LRRC7: variants seen among roughly 807,000 people sequenced by gnomAD.
The protein encoded by LRRC7 is leucine rich repeat containing 7, also known as leucine-rich repeat-containing protein 7.
In LRRC7, 23 loss-of-function variants were observed where a neutral mutation model predicts 175.7. The observed-to-expected ratio is 0.13, with a 90% CI of 0.09 to 0.19. The LOEUF is 0.19. Ranked by LOEUF, LRRC7 falls within the 10% of genes least tolerant of loss-of-function variation. The pLI is 1.00. For missense variants in LRRC7, 1,354 were observed against 1,904.7 expected (o/e 0.71, Z 5.38); for synonymous variants, 685 against 680.9 (o/e 1.01, Z -0.09).
chr1:69,994,151 A>G (rs1457719012), intron 10 of LRRC7, among the ~76,000 whole-genome samples: 1 of 152,118 alleles, frequency 6.6e-6, no homozygotes, highest in Non-Finnish European at 1.5e-5. Flanking sequence ...CTTAATTCAG[A>G]TTTGTTTTCA....
At chr1:69,758,058 G>T (rs1007828480) in intron 2 of LRRC7, among the ~76,000 whole-genome samples, 16 of 151,878 alleles carry the variant, frequency 1.1e-4, no homozygotes, top group Non-Finnish European at 1.6e-4. Context: ...CTTTGCAACT[G>T]CAATAATCAC....
intron 23 of LRRC7, among the ~76,000 whole-genome samples, chr1:70,061,116 C>G (rs1661545487): frequency 6.6e-6 from 1 of 151,964 alleles, no homozygotes; most frequent in Non-Finnish European, 1.5e-5. Context: ...TAATACCAGT[C>G]TCAATCATCA....
At chr1:69,634,813 C>T (rs1211151058) in intron 1 of LRRC7, among the ~76,000 whole-genome samples, 12 of 152,032 alleles carry the variant, frequency 7.9e-5, no homozygotes, top group Admixed American at 7.9e-4. Flanking sequence ...TACAGAAAGC[C>T]AGTGATCCTA....
At chr1:69,635,153 C>T (rs567129746) in intron 1 of LRRC7, among the ~76,000 whole-genome samples, 2 of 152,008 alleles carry the variant, frequency 1.3e-5, no homozygotes, top group Non-Finnish European at 2.9e-5. Flanking sequence ...ATTTAGCTCC[C>T]ACTTATAAAT....
At chr1:69,622,205 A>T (rs1321969703) in intron 1 of LRRC7, among the ~76,000 whole-genome samples, 1 of 152,196 alleles carries the variant, frequency 6.6e-6, no homozygotes, top group Admixed American at 6.5e-5. Flanking sequence ...TAGGCAAAAA[A>T]TTCTGAATTT....
chr1:70,101,642 C>T (rs946894397), intron 25 of LRRC7, among the ~76,000 whole-genome samples: 7 of 152,180 alleles, frequency 4.6e-5, no homozygotes, highest in African/African-American at 1.7e-4. Flanking sequence ...ATGCAAGAAG[C>T]CTCCCAAACT....
intron 2 of LRRC7, among the ~76,000 whole-genome samples, chr1:69,694,709 C>A (rs1309824625): frequency 1.4e-5 from 2 of 147,846 alleles, no homozygotes; most frequent in East Asian, 4.1e-4. Context: ...CACATGAGAT[C>A]TGGTTGTTTA....
intron 1 of LRRC7, among the ~76,000 whole-genome samples, chr1:69,653,762 C>T (rs1017030674): frequency 7.9e-5 from 12 of 151,998 alleles, no homozygotes; most frequent in Admixed American, 5.9e-4. Context: ...TGAGCGTCCA[C>T]AGTATAATAT....
At chr1:69,949,688 T>C (rs1383333644) in intron 8 of LRRC7, among the ~76,000 whole-genome samples, 1 of 152,102 alleles carries the variant, frequency 6.6e-6, no homozygotes, top group Non-Finnish European at 1.5e-5. Context: ...AACAATGCCA[T>C]AAACAACTTT....
intron 1 of LRRC7, among the ~76,000 whole-genome samples, chr1:69,665,513 A>C (rs1658136343): frequency 6.6e-6 from 1 of 152,076 alleles, no homozygotes; most frequent in Admixed American, 6.5e-5. Flanking sequence ...AATGTTTTAT[A>C]GTTTTCATTG....
intron 7 of LRRC7, among the ~76,000 whole-genome samples, chr1:69,917,432 G>C (rs759602834): frequency 1.1e-4 from 17 of 152,234 alleles, no homozygotes; most frequent in Middle Eastern, 3.4e-3. Flanking sequence ...AGGTAGGCTA[G>C]TTTGAATAGC....
At chr1:69,919,710 A>G in intron 7 of LRRC7, 1 of 1,006,550 alleles carries the variant, frequency 9.9e-7, no homozygotes, top group Non-Finnish European at 1.5e-6. Flanking sequence ...GCCAGGGGAG[A>G]CCTGGGTGCC....
In LRRC7 at chr1:69,730,621, C is replaced by G. The variant is rs115309165; in HGVS notation, c.101-29570C>G. 6.1e-3 allele frequency among the ~76,000 whole-genome samples: 925 copies of G among 152,284 alleles called. 3 individuals carry two copies. Among genetic ancestry groups the G allele is most frequent in the African/African-American group, 0.021 (875 of 41,560 alleles). ...AGTTTCTAGGCAACTCCAAACTTTT[C>G]CACATCTTCCTTTCTTCTGAGTCCT... is the stretch of plus-strand genomic sequence containing the variant. On this transcript the variant is annotated intron_variant, in intron 2 of 26. Transcript: ENST00000651989.
At chr1:69,913,251 AT>A (rs1646586260) in intron 7 of LRRC7, among the ~76,000 whole-genome samples, 1 of 152,170 alleles carries the variant, frequency 6.6e-6, no homozygotes, top group Admixed American at 6.5e-5. Flanking sequence ...TAGATGTTTA[AT>A]TTGGTCACAT....
At chr1:69,807,268 T>C (rs1677233816) in intron 4 of LRRC7, among the ~76,000 whole-genome samples, 1 of 152,122 alleles carries the variant, frequency 6.6e-6, no homozygotes, top group African/African-American at 2.4e-5. Context: ...GTCTGTGTCT[T>C]TTAATTGGAG....
intron 3 of LRRC7, among the ~76,000 whole-genome samples, chr1:69,780,497 G>A (rs1673360392): frequency 6.6e-6 from 1 of 152,080 alleles, no homozygotes; most frequent in Non-Finnish European, 1.5e-5. Context: ...AAGGGAGGAA[G>A]AAAGGGAAAA....
At chr1:69,648,566 C>G (rs1046101317) in intron 1 of LRRC7, among the ~76,000 whole-genome samples, 1 of 152,180 alleles carries the variant, frequency 6.6e-6, no homozygotes, top group African/African-American at 2.4e-5. Flanking sequence ...ACCACAGGGG[C>G]CTTCACTAGC....
At chr1:69,832,984 G>A (rs1314511023) in intron 5 of LRRC7, among the ~76,000 whole-genome samples, 1 of 151,916 alleles carries the variant, frequency 6.6e-6, no homozygotes, top group Non-Finnish European at 1.5e-5. Flanking sequence ...AGGTGCCTGT[G>A]ATCCCATCTA....
intron 2 of LRRC7, among the ~76,000 whole-genome samples, chr1:69,728,264 G>A (rs1667196219): frequency 6.6e-6 from 1 of 152,154 alleles, no homozygotes; most frequent in East Asian, 1.9e-4. Context: ...TGGGAATCAT[G>A]TAACATCTTT....
Sources: gnomAD v4.1 joint callset for allele counts (sites outside exome capture counted in the v4.1 genomes callset) on GRCh38, gnomAD v4.1.1 for gene constraint, MANE v1.5 for transcripts, NCBI Gene and HGNC (gene_info 2026-07-23, HGNC 2026-07-21) for gene names.